The following HACE1 variants were observed in gnomAD, a reference collection of about 807,000 sequenced individuals.
The protein encoded by HACE1 is HECT domain and ankyrin repeat containing E3 ubiquitin protein ligase 1, also known as E3 ubiquitin-protein ligase HACE1.
Under a neutral mutation model 118.4 loss-of-function variants are expected in HACE1, and 73 were observed. That is an observed-to-expected ratio of 0.62 (90% CI 0.51 to 0.75). The LOEUF (loss-of-function observed/expected upper bound fraction) is 0.75, where lower values mean the gene tolerates loss of function less well. Among genes scored for constraint, HACE1 ranks in the 30% least tolerant of loss-of-function variants. The pLI, the probability that HACE1 is intolerant of heterozygous loss-of-function variation, is 0.00. For synonymous variants in HACE1, 368 were observed against 374.8 expected, an observed-to-expected ratio of 0.98 and a Z score of 0.21; for missense variants, 749 against 1,102.2, an observed-to-expected ratio of 0.68 and a Z score of 4.54.
intron 19 of HACE1, among the ~76,000 whole-genome samples, chr6:104,765,252 TC>T (rs1318746931): frequency 1.3e-4 from 20 of 152,178 alleles, no homozygotes; most frequent in African/African-American, 4.8e-4. Context: ...TAAAATATTT[TC>T]CCTGGTGATC....
At chr6:104,741,492 C>T (rs1049577047) in intron 22 of HACE1, among the ~76,000 whole-genome samples, 12 of 132,908 alleles carry the variant, frequency 9.0e-5, no homozygotes, top group African/African-American at 3.1e-4. Flanking sequence ...GTGCAAAAAT[C>T]ACAAGCATTC....
At chr6:104,786,742 T>A (rs1782457626) in intron 11 of HACE1, 1 of 152,190 alleles carries the variant, frequency 6.6e-6, no homozygotes, top group Non-Finnish European at 1.5e-5. Flanking sequence ...TAAATATTCT[T>A]ATTGAGAATG....
At chr6:104,851,715 G>A (rs1417682577) in intron 2 of HACE1, among the ~76,000 whole-genome samples, 1 of 139,458 alleles carries the variant, frequency 7.2e-6, no homozygotes, top group African/African-American at 2.5e-5. Flanking sequence ...ATTATACCAG[G>A]TAGGAAATTT....
At position 104,785,100 on chromosome 6, in the gene HACE1, C is replaced by A. The variant is rs1417130507; in HGVS notation, c.1294G>T (p.Ala432Ser). ...GTRESKPDAL[A>S]GRQEASADCQ... is the part of the protein sequence containing the mutation. ...TCTGCACTGGCTTCCTGTCTCCCTG[C>A]AAGAGCATCTGGTTTAGATTCCCTT... The change falls in exon 12 of 24, where the codon GCA becomes TCA. Residue 432 changes from alanine (A) to serine (S), a missense_variant. By Grantham distance (99) the Ala-to-Ser change is moderately conservative (BLOSUM62 1). Around this residue, in one of 5 missense-constraint regions of HACE1, gnomAD observed 267 missense variants for 312.2 expected, o/e 0.86. Transcript: ENST00000262903. The A allele has an allele frequency of 6.2e-7, 1 of 1,613,974 alleles. No homozygotes were observed. The highest frequency in any genetic ancestry group is 2.2e-5 in the East Asian group (1 of 44,876).
In HACE1 at chr6:104,795,568, G is replaced by C; in HGVS notation, c.923+11C>G. The C allele has an allele frequency of 6.6e-7, 1 of 1,504,312 alleles. No individual in the cohort carries two copies. The highest frequency in any genetic ancestry group is 9.3e-7 in the Non-Finnish European group (1 of 1,079,982). The allele number at this position is 1,504,312 out of a possible 1,614,324, so 93.2% of individuals were successfully genotyped here. The stretch of plus-strand genomic sequence containing the variant: ...CTACCTATTGATTTCCTCTTATTGC[G>C]AAACACTTACCTAAGCAGTTTATGA... On this transcript the variant is annotated intron_variant, in intron 10 of 23. Coordinates refer to ENST00000262903, the MANE Select transcript of HACE1 (RefSeq NM_020771.4).
At chr6:104,798,454 G>A (rs766042175) in intron 7 of HACE1, among the ~76,000 whole-genome samples, 13 of 152,082 alleles carry the variant, frequency 8.5e-5, no homozygotes, top group South Asian at 2.1e-4. Context: ...ACTCTGCAAC[G>A]TTATTATAGG....
intron 22 of HACE1, among the ~76,000 whole-genome samples, chr6:104,738,269 C>T (rs1336393988): frequency 3.4e-4 from 52 of 152,226 alleles, no homozygotes; most frequent in Admixed American, 1.4e-3. Context: ...GCCTCTCCTC[C>T]TCCAAAGGAA....
intron 6 of HACE1, among the ~76,000 whole-genome samples, chr6:104,830,562 C>G (rs1397452271): frequency 2.6e-5 from 4 of 151,924 alleles, no homozygotes; most frequent in Non-Finnish European, 5.9e-5. Flanking sequence ...ATCCTGAAAC[C>G]AGGTTAAGGA....
chr6:104,758,647 G>C (rs550959746), intron 19 of HACE1, among the ~76,000 whole-genome samples: 6 of 152,098 alleles, frequency 3.9e-5, no homozygotes, highest in Non-Finnish European at 8.8e-5. Flanking sequence ...TCAATAAATG[G>C]GCAAAATAAC....
intron 4 of HACE1, among the ~76,000 whole-genome samples, chr6:104,847,087 CTTTA>C (rs199713569): frequency 0.01 from 1,539 of 152,258 alleles, 34 homozygotes; most frequent in Admixed American, 0.042. Flanking sequence ...CTCTGTGCCA[CTTTA>C]TTTGTTTCTA....
At chr6:104,846,343 A>C (rs1020048975) in intron 4 of HACE1, among the ~76,000 whole-genome samples, 2 of 152,186 alleles carry the variant, frequency 1.3e-5, no homozygotes, top group Non-Finnish European at 2.9e-5. Context: ...AACTGACCAA[A>C]ACACAACCTA....
chr6:104,745,292 CA>C (rs1777295387), intron 20 of HACE1, among the ~76,000 whole-genome samples: 1 of 151,964 alleles, frequency 6.6e-6, no homozygotes, highest in Non-Finnish European at 1.5e-5. Flanking sequence ...TTAAGAATGG[CA>C]AAGTATTTAC....
intron 5 of HACE1, among the ~76,000 whole-genome samples, chr6:104,838,374 G>A (rs1272218685): frequency 4.6e-5 from 7 of 151,918 alleles, no homozygotes; most frequent in Non-Finnish European, 7.4e-5. Flanking sequence ...AGACCAATGG[G>A]ACAGAACAGA....
intron 1 of HACE1, among the ~76,000 whole-genome samples, chr6:104,854,603 CA>C (rs879610167): frequency 1.7e-4 from 24 of 141,748 alleles, no homozygotes; most frequent in East Asian, 4.1e-4. Context: ...GATAGTGATT[CA>C]AAAAAAAAAA....
intron 19 of HACE1, among the ~76,000 whole-genome samples, chr6:104,756,411 CA>C (rs149270056): frequency 0.081 from 8,359 of 103,068 alleles, 386 homozygotes; most frequent in African/African-American, 0.15. Flanking sequence ...GATTCCATCT[CA>C]AAAAAAAAAA....
At chr6:104,831,657 G>T (rs138177488) in intron 6 of HACE1, among the ~76,000 whole-genome samples, 1,776 of 152,008 alleles carry the variant, frequency 0.012, 14 homozygotes, top group Non-Finnish European at 0.018. Context: ...ATTTTAGGAG[G>T]CCGAGGCAGG....
At position 104,750,354 on chromosome 6, in the gene HACE1, T is replaced by C; in HGVS notation, c.2330A>G (p.Asp777Gly). ...GTTTTTCCTTACCAATTCATATTCA[T>C]CAAAAAGCTGTATGAGGGAGGGTGG... ...FIPPSLIQLF[D>G]EYELELLLSG... is the part of the protein sequence containing the mutation. The change falls in exon 20 of 24, where the codon GAT becomes GGT. Residue 777 changes from aspartate to glycine, a missense_variant. Coordinates refer to ENST00000262903, the MANE Select transcript of HACE1 (RefSeq NM_020771.4). 9 of 1,612,806 alleles carry C rather than the reference T, an allele frequency of 5.6e-6. No homozygotes were observed. Among genetic ancestry groups the C allele is most frequent in the Non-Finnish European group, 7.6e-6 (9 of 1,179,060 alleles).
chr6:104,759,140 T>C (rs1475996089), intron 19 of HACE1, among the ~76,000 whole-genome samples: 1 of 152,142 alleles, frequency 6.6e-6, no homozygotes, highest in Non-Finnish European at 1.5e-5. Context: ...GACAGATCAG[T>C]GAGACAGAAG....
chr6:104,777,537 A>T lies in HACE1; in HGVS notation c.1567-220T>A, dbSNP rs75015253. Among the ~76,000 whole-genome samples the T allele has an allele frequency of 7.7e-3, 1,167 of 152,290 alleles. 52 individuals are homozygous for T. In the East Asian group the frequency reaches 0.13, roughly 17 times the overall value. On this transcript the variant is annotated intron_variant, in intron 14 of 23. Coordinates refer to ENST00000262903, the MANE Select transcript of HACE1 (RefSeq NM_020771.4). ...CTACCTAGAGAAATGTATTTTTTTA[A>T]ATTCCTACATTTTCAACACAAAAGA... is the stretch of plus-strand genomic sequence containing the variant.
Sources: gnomAD v4.1 joint callset for allele counts (sites outside exome capture counted in the v4.1 genomes callset) on GRCh38, gnomAD v4.1.1 for gene constraint, gnomAD v4.1.1 regional missense constraint, MANE v1.5 for transcripts, NCBI Gene and HGNC (gene_info 2026-07-23, HGNC 2026-07-21) for gene names.